Variants in PHACTR2 observed in about 807,000 individuals in gnomAD.
The protein encoded by PHACTR2 is phosphatase and actin regulator 2, also known as chromosome 6 open reading frame 56.
PHACTR2 carries 30 observed loss-of-function variants against 76.0 expected under a neutral mutation model. The observed-to-expected ratio is 0.39, with a 90% CI of 0.30 to 0.54. The LOEUF is 0.54. Among genes scored for constraint, PHACTR2 ranks in the 20% least tolerant of loss-of-function variants. The pLI, the probability that PHACTR2 is intolerant of heterozygous loss-of-function variation, is 0.61. For synonymous variants in PHACTR2, 292 were observed against 292.5 expected (o/e 1.00, Z 0.02); for missense variants, 696 against 781.1 (o/e 0.89, Z 1.30).
At chr6:143,563,879 C>G (rs1360916480) in intron 1 of PHACTR2, among the ~76,000 whole-genome samples, 7 of 151,522 alleles carry the variant, frequency 4.6e-5, no homozygotes, top group Non-Finnish European at 7.4e-5. Context: ...TGGCGCACAC[C>G]TGTGGTCCCA....
intron 1 of PHACTR2, among the ~76,000 whole-genome samples, chr6:143,552,755 T>A (rs182820061): frequency 4.1e-4 from 62 of 151,954 alleles, no homozygotes; most frequent in African/African-American, 1.4e-3. Flanking sequence ...AATACAAAAA[T>A]GAGCCGGGCA....
upstream of PHACTR2, chr6:143,608,049 A>C (rs1775907004): frequency 1.9e-6 from 1 of 533,942 alleles, no homozygotes; most frequent in South Asian, 2.5e-5. The surrounding 1 kb of genome is among the most constrained non-coding windows in gnomAD (Gnocchi z 4.6). Flanking sequence ...AGCTTAGAGC[A>C]GAGGTGGAAA....
chr6:143,705,451 C>T (rs1007860574), intron 1 of PHACTR2, among the ~76,000 whole-genome samples: 7 of 152,174 alleles, frequency 4.6e-5, no homozygotes, highest in Admixed American at 6.5e-5. Flanking sequence ...CCCGCCACTG[C>T]GCCCAGCCAA....
chr6:143,822,965 T>C lies in PHACTR2; in HGVS notation c.1923-709T>C, dbSNP rs998212796. Among the ~76,000 whole-genome samples the C allele has an allele frequency of 1.3e-5, 2 of 152,244 alleles. No homozygotes were observed. Among genetic ancestry groups the C allele is most frequent in the African/African-American group, 4.8e-5 (2 of 41,470 alleles). The stretch of plus-strand genomic sequence containing the variant: ...GTAGTGCCAGCAAAAGATGGAACTT[T>C]AATGATTCCAAGACAGGCAGTTGAG... On this transcript the variant is annotated intron_variant, in intron 12 of 12. Coordinates refer to ENST00000440869, the MANE Select transcript of PHACTR2 (RefSeq NM_001100164.2). This position sits in a 1 kb window ranked among gnomAD's most constrained non-coding sequence, Gnocchi z 5.5.
In PHACTR2 at chr6:143,608,541, C is replaced by T. The variant is rs936817982; in HGVS notation, c.13+219C>T. ...GAATGCAGATTGTATTCCAAATTCACCTTTTGTGAAGACTACTGCTATTTA... is the reference window on the plus strand; with the variant it reads ...GAATGCAGATTGTATTCCAAATTCATCTTTTGTGAAGACTACTGCTATTTA... On this transcript the variant is annotated intron_variant, in intron 1 of 11. Transcript: ENST00000305766. This position sits in a 1 kb window ranked among gnomAD's most constrained non-coding sequence, Gnocchi z 4.6. Among the ~76,000 whole-genome samples, 4 of 147,112 alleles carry T rather than the reference C, an allele frequency of 2.7e-5. No individual in the cohort carries two copies. The highest frequency in any genetic ancestry group is 1.1e-4 in the African/African-American group (4 of 37,786).
chr6:143,801,501 C>T lies in PHACTR2; in HGVS notation c.1846-5556C>T, dbSNP rs1393872607. The stretch of plus-strand genomic sequence containing the variant: ...CGCTTGATCGAAGTGGCTATTGAGG[C>T]TTGTGTATGCTTCACGGAGTTCTCG... On this transcript the variant is annotated intron_variant, in intron 11 of 12. Transcript: ENST00000440869. This position sits in a 1 kb window ranked among gnomAD's most constrained non-coding sequence, Gnocchi z 4.6. 6.6e-6 allele frequency among the ~76,000 whole-genome samples: 1 copy of T among 152,102 alleles called. No homozygotes were observed. The highest frequency in any genetic ancestry group is 1.5e-5 in the Non-Finnish European group (1 of 68,024).
rs1479069803 is a variant in PHACTR2 at position 143,800,685 on chromosome 6, G to A, written c.1846-6372G>A. Among the ~76,000 whole-genome samples the A allele has an allele frequency of 6.6e-6, 1 of 152,172 alleles. No homozygotes were observed. Among genetic ancestry groups the A allele is most frequent in the African/African-American group, 2.4e-5 (1 of 41,444 alleles). On this transcript the variant is annotated intron_variant, in intron 11 of 12. Coordinates refer to ENST00000440869, the MANE Select transcript of PHACTR2 (RefSeq NM_001100164.2). This position sits in a 1 kb window ranked among gnomAD's most constrained non-coding sequence, Gnocchi z 4.8. ...CTGTGTCTTTTAATTGGGGCATTTA[G>A]CCCATTTACATTTAAGGTTAATATT...
chr6:143,741,755 C>G (rs928976742), intron 2 of PHACTR2, among the ~76,000 whole-genome samples: 4 of 152,056 alleles, frequency 2.6e-5, no homozygotes, highest in Admixed American at 2.6e-4. Context: ...TATTTCTGCC[C>G]TCAAAAACCT....
In PHACTR2 at chr6:143,753,981, C is replaced by T; in HGVS notation, c.454+69C>T. Reference sequence around the variant, plus strand: ...TCAATGTCTAGAACCAGCACTTAGGCTCCAACTAGTGACTCTAAAACCAGC... The same window carrying T: ...TCAATGTCTAGAACCAGCACTTAGGTTCCAACTAGTGACTCTAAAACCAGC... On this transcript the variant is annotated intron_variant, in intron 4 of 12. Transcript: ENST00000440869. This position sits in a 1 kb window ranked among gnomAD's most constrained non-coding sequence, Gnocchi z 4.6. 1.9e-6 allele frequency: 2 copies of T among 1,064,738 alleles called. No homozygotes were observed. The highest frequency in any genetic ancestry group is 5.5e-5 in the East Asian group (2 of 36,642). The allele number at this position is 1,064,738 out of a possible 1,614,324, so 66.0% of individuals were successfully genotyped here.
At position 143,608,257 on chromosome 6, in the gene PHACTR2, G is replaced by A; in HGVS notation, c.-53G>A. On this transcript the variant is annotated 5_prime_UTR_variant, in exon 1 of 12. Coordinates refer to the PHACTR2 transcript ENST00000305766. This position sits in a 1 kb window ranked among gnomAD's most constrained non-coding sequence, Gnocchi z 4.6. Reference sequence around the variant, plus strand: ...ACAGGGTGCTTCGTTAGTCAGAAGAGCCAGGGCTTCCCGGCTGCCAGGCTA... The same window carrying A: ...ACAGGGTGCTTCGTTAGTCAGAAGAACCAGGGCTTCCCGGCTGCCAGGCTA... 1 of 1,608,582 alleles carries A rather than the reference G, an allele frequency of 6.2e-7. No homozygotes were observed. Among genetic ancestry groups the A allele is most frequent in the South Asian group, 1.1e-5 (1 of 90,804 alleles).
rs995730614 is a variant in PHACTR2 at position 143,760,714 on chromosome 6, C to G, written c.694+74C>G. ...TCTGGGATGGGGCTAATTGTTTCTT[C>G]TAGGTGTGATGGGCTTTTGGTGTCT... On this transcript the variant is annotated intron_variant, in intron 5 of 12. Transcript: ENST00000440869. This position sits in a 1 kb window ranked among gnomAD's most constrained non-coding sequence, Gnocchi z 6.4. 7 of 1,530,848 alleles carry G rather than the reference C, an allele frequency of 4.6e-6. No individual in the cohort carries two copies. The African/African-American group carries it at 9.7e-5, about 21-fold the overall frequency. The allele number at this position is 1,530,848 out of a possible 1,614,324, so 94.8% of individuals were successfully genotyped here.
rs1169889879 is a variant in PHACTR2 at position 143,589,695 on chromosome 6, A to G, written c.217+52488A>G. On this transcript the variant is annotated intron_variant, in intron 1 of 11. Coordinates refer to the PHACTR2 transcript ENST00000367584. This position sits in a 1 kb window ranked among gnomAD's most constrained non-coding sequence, Gnocchi z 4.4. ...ACTCTAACAGCTTCATTTTAATACC[A>G]TCATCTCTTTTAAAGGCCCTATCTC... Among the ~76,000 whole-genome samples, 1 of 152,116 alleles carries G rather than the reference A, an allele frequency of 6.6e-6. No individual in the cohort carries two copies. The highest frequency in any genetic ancestry group is 6.5e-5 in the Admixed American group (1 of 15,278).
chr6:143,587,458 C>CAAT (rs1775642446), intron 1 of PHACTR2, among the ~76,000 whole-genome samples: 1 of 151,962 alleles, frequency 6.6e-6, no homozygotes, highest in African/African-American at 2.4e-5. Flanking sequence ...TAGAGCGATA[C>CAAT]AATAATAATA....
intron 1 of PHACTR2, among the ~76,000 whole-genome samples, chr6:143,694,179 AGGAG>A (rs761367104): frequency 3.6e-5 from 5 of 140,266 alleles, no homozygotes; most frequent in African/African-American, 7.7e-5. Context: ...GAGGGAAGGA[AGGAG>A]GGAGGGAGGG....
At position 143,547,921 on chromosome 6, in the gene PHACTR2, A is replaced by G. The variant is rs909483151; in HGVS notation, c.217+10714A>G. On this transcript the variant is annotated intron_variant, in intron 1 of 11. Coordinates refer to the PHACTR2 transcript ENST00000367584. This position sits in a 1 kb window ranked among gnomAD's most constrained non-coding sequence, Gnocchi z 4.2. ...CTATCTATCTATCATCTATCTATCC[A>G]TCTATCCATTCATCATCCATCATCT... is the stretch of plus-strand genomic sequence containing the variant. 6.6e-6 allele frequency among the ~76,000 whole-genome samples: 1 copy of G among 152,158 alleles called. No homozygotes were observed. The highest frequency in any genetic ancestry group is 1.5e-5 in the Non-Finnish European group (1 of 68,034).
Position 143,700,540 on chromosome 6 carries a change from C to A in PHACTR2, c.47-11476C>A, listed in dbSNP as rs1254913148. On this transcript the variant is annotated intron_variant, in intron 1 of 12. Coordinates refer to ENST00000440869, the MANE Select transcript of PHACTR2 (RefSeq NM_001100164.2). This position sits in a 1 kb window ranked among gnomAD's most constrained non-coding sequence, Gnocchi z 4.1. ...ACTGCACTCCATCTGGGTGACAGAA[C>A]GAGACTCCATTGATTGGGGGCAGTG... 1.3e-5 allele frequency among the ~76,000 whole-genome samples: 2 copies of A among 151,976 alleles called. No individual in the cohort carries two copies. Among genetic ancestry groups the A allele is most frequent in the Non-Finnish European group, 2.9e-5 (2 of 67,994 alleles).
At chr6:143,614,643 A>T (rs866968563) in intron 1 of PHACTR2, among the ~76,000 whole-genome samples, 11 of 152,340 alleles carry the variant, frequency 7.2e-5, no homozygotes, top group Middle Eastern at 3.4e-3. Context: ...GAATATGTAC[A>T]TTTCATGATA....
rs1776289453 is a variant in PHACTR2 at position 143,816,123 on chromosome 6, C to T, written c.1923-7551C>T. Among the ~76,000 whole-genome samples, 1 of 151,898 alleles carries T rather than the reference C, an allele frequency of 6.6e-6. No homozygotes were observed. On this transcript the variant is annotated intron_variant, in intron 12 of 12. Coordinates refer to ENST00000440869, the MANE Select transcript of PHACTR2 (RefSeq NM_001100164.2). This position sits in a 1 kb window ranked among gnomAD's most constrained non-coding sequence, Gnocchi z 4.5. ...TTTAGATTGGAGTCTCAGGAAAGTT[C>T]TGAAAAGAGGGTGGACAAAAGGCTT... is the stretch of plus-strand genomic sequence containing the variant.
rs989692034 is a variant in PHACTR2 at position 143,818,013 on chromosome 6, A to C, written c.1923-5661A>C. ...AATTTTGAATGTTCCTGACACAAAGAAATGATAAATGTGTAGGATGATTGA... is the reference window on the plus strand; with the variant it reads ...AATTTTGAATGTTCCTGACACAAAGCAATGATAAATGTGTAGGATGATTGA... On this transcript the variant is annotated intron_variant, in intron 12 of 12. Coordinates refer to ENST00000440869, the MANE Select transcript of PHACTR2 (RefSeq NM_001100164.2). This position sits in a 1 kb window ranked among gnomAD's most constrained non-coding sequence, Gnocchi z 4.9. Among the ~76,000 whole-genome samples, 2 of 152,230 alleles carry C rather than the reference A, an allele frequency of 1.3e-5. No homozygotes were observed. Among genetic ancestry groups the C allele is most frequent in the Non-Finnish European group, 2.9e-5 (2 of 68,038 alleles).
Sources: gnomAD v4.1 joint callset for allele counts (sites outside exome capture counted in the v4.1 genomes callset) on GRCh38, gnomAD v4.1.1 for gene constraint, Gnocchi (gnomAD v3.1) non-coding constraint, MANE v1.5 for transcripts, NCBI Gene and HGNC (gene_info 2026-07-23, HGNC 2026-07-21) for gene names.